Variants in USP32 observed in about 807,000 individuals in gnomAD.
USP32 encodes the protein ubiquitin specific peptidase 32.
A neutral mutation model predicts 204.8 loss-of-function variants in USP32; 59 were observed. That is an observed-to-expected ratio of 0.29 (90% CI 0.23 to 0.36). The LOEUF (loss-of-function observed/expected upper bound fraction) is 0.36, where lower values mean the gene tolerates loss of function less well. Ranked by LOEUF, USP32 falls within the 10% of genes least tolerant of loss-of-function variation. The pLI is 1.00. For synonymous variants in USP32, 517 were observed against 678.4 expected, an observed-to-expected ratio of 0.76 and a Z score of 3.70; for missense variants, 1,160 against 1,946.4, an observed-to-expected ratio of 0.60 and a Z score of 7.60.
At chr17:60,283,731 G>T (rs2087033188) in intron 5 of USP32, among the ~76,000 whole-genome samples, 1 of 151,264 alleles carries the variant, frequency 6.6e-6, no homozygotes, top group Non-Finnish European at 1.5e-5. Flanking sequence ...ATTCACTTTA[G>T]ATATAAGATT....
intron 27 of USP32, 26 bp from the exon 28 acceptor site, chr17:60,192,956 T>C: frequency 1.9e-6 from 3 of 1,611,480 alleles, no homozygotes; most frequent in Middle Eastern, 1.7e-4. Context: ...ACAAAAAGAG[T>C]GTAAGAAGCA....
intron 1 of USP32, among the ~76,000 whole-genome samples, chr17:60,367,969 C>A (rs1031923480): frequency 6.6e-6 from 1 of 151,832 alleles, no homozygotes; most frequent in African/African-American, 2.4e-5. Context: ...TATAAGTAAT[C>A]TAGAGATAAC....
At chr17:60,409,569 C>T (rs1337736537) in intron 1 of USP32, among the ~76,000 whole-genome samples, 1 of 149,302 alleles carries the variant, frequency 6.7e-6, no homozygotes, top group African/African-American at 2.6e-5. Flanking sequence ...GCTCTGAAAC[C>T]ACCCTTGCAA....
At position 60,178,072 on chromosome 17, in the gene USP32, A is replaced by C. The variant is rs1422733878; in HGVS notation, c.*1183T>G. On this transcript the variant is annotated 3_prime_UTR_variant, in exon 34 of 34. Transcript: ENST00000300896. ...AACATAACTTTCGATGACTACTGTA[A>C]AATTTAAAAAAAAGACAAATATCAA... Among the ~76,000 whole-genome samples the C allele has an allele frequency of 6.6e-6, 1 of 152,148 alleles. No individual in the cohort carries two copies. Among genetic ancestry groups the C allele is most frequent in the Non-Finnish European group, 1.5e-5 (1 of 68,048 alleles).
intron 1 of USP32, among the ~76,000 whole-genome samples, chr17:60,372,810 C>T (rs2089465653): frequency 6.7e-6 from 1 of 149,072 alleles, no homozygotes; most frequent in Non-Finnish European, 1.5e-5. Context: ...TATGATCATG[C>T]CACTCCAGCC....
chr17:60,287,104 C>G (rs978370721), intron 5 of USP32, among the ~76,000 whole-genome samples: 2 of 152,068 alleles, frequency 1.3e-5, no homozygotes, highest in Admixed American at 6.6e-5. Flanking sequence ...GAGCCGAGAT[C>G]GCGCCACTGC....
chr17:60,373,782 T>G (rs1158546699), intron 1 of USP32, among the ~76,000 whole-genome samples: 1 of 152,204 alleles, frequency 6.6e-6, no homozygotes, highest in East Asian at 1.9e-4. Context: ...TCATAAACTT[T>G]TAAATTTAAC....
chr17:60,361,352 T>C (rs1180084385), intron 1 of USP32, among the ~76,000 whole-genome samples: 1 of 152,204 alleles, frequency 6.6e-6, no homozygotes, highest in Non-Finnish European at 1.5e-5. Flanking sequence ...ATAATACATA[T>C]TATAATGCAA....
intron 1 of USP32, among the ~76,000 whole-genome samples, chr17:60,412,777 C>A (rs998398129): frequency 6.6e-6 from 1 of 152,098 alleles, no homozygotes; most frequent in African/African-American, 2.4e-5. Flanking sequence ...TCTCCAAAAT[C>A]ATTCCCAGCT....
At chr17:60,314,128 CTTTTTTTT>C (rs35830572) in intron 2 of USP32, among the ~76,000 whole-genome samples, 19 of 52,812 alleles carry the variant, frequency 3.6e-4, no homozygotes, top group African/African-American at 1.3e-3. Context: ...TATTGTGTGG[CTTTTTTTT>C]TTTTTTTTTT....
At chr17:60,214,939 AG>A (rs1334232605) in intron 16 of USP32, among the ~76,000 whole-genome samples, 165 bp from the exon 17 acceptor site, 2 of 152,090 alleles carry the variant, frequency 1.3e-5, no homozygotes, top group African/African-American at 4.8e-5. Flanking sequence ...AAATGCAGGC[AG>A]GAGACCCAAG....
chr17:60,208,459 T>A (rs1289077277), intron 23 of USP32, among the ~76,000 whole-genome samples, 195 bp downstream of exon 23: 5 of 152,184 alleles, frequency 3.3e-5, no homozygotes, highest in Non-Finnish European at 2.9e-5. Flanking sequence ...GTTGCTGGCA[T>A]ATTTGAAACC....
intron 16 of USP32, 107 bp downstream of exon 16, chr17:60,219,561 CTT>C (rs751193414): frequency 0.067 from 44,888 of 673,604 alleles, 7 homozygotes; most frequent in Non-Finnish European, 0.075. Flanking sequence ...TAGTTTTCAC[CTT>C]TTTTTTTTTT....
chr17:60,405,911 T>C (rs1444239353), intron 1 of USP32, among the ~76,000 whole-genome samples: 1 of 152,170 alleles, frequency 6.6e-6, no homozygotes, highest in Admixed American at 6.5e-5. Context: ...TCCAGCACTT[T>C]GGGAGGCCAG....
chr17:60,255,271 C>T lies in USP32; in HGVS notation c.991-13G>A, dbSNP rs1438168851. ...TAAGATGACCCATCTGAAACAGAGA[C>T]ACTCATGTTAGGAACATCTTTTTTT... On this transcript the variant is annotated splice_polypyrimidine_tract_variant and intron_variant, in intron 9 of 33. Transcript: ENST00000300896. The T allele has an allele frequency of 2.7e-6, 4 of 1,482,918 alleles. No homozygotes were observed. The Admixed American group carries it at 5.7e-5, about 21-fold the overall frequency. 91.9% of individuals were successfully genotyped at this position (1,482,918 alleles called of 1,614,324 possible).
At chr17:60,267,890 A>C (rs555783731) in intron 7 of USP32, among the ~76,000 whole-genome samples, 1 of 152,018 alleles carries the variant, frequency 6.6e-6, no homozygotes, top group African/African-American at 2.4e-5. Flanking sequence ...GGCTCACTGC[A>C]ACCTCCACCT....
intron 5 of USP32, among the ~76,000 whole-genome samples, chr17:60,277,338 T>C (rs1328937109): frequency 1.3e-5 from 2 of 152,190 alleles, no homozygotes; most frequent in Non-Finnish European, 2.9e-5. Context: ...CATATCCAAA[T>C]ATTTTCATAC....
chr17:60,337,921 AT>A (rs1311999225), intron 2 of USP32, among the ~76,000 whole-genome samples: 1 of 152,048 alleles, frequency 6.6e-6, no homozygotes, highest in Non-Finnish European at 1.5e-5. Context: ...TACATGAACA[AT>A]TAGTGAATGG....
chr17:60,296,171 A>G (rs1490584430), intron 3 of USP32, among the ~76,000 whole-genome samples: 3 of 152,220 alleles, frequency 2.0e-5, no homozygotes, highest in African/African-American at 7.2e-5. Context: ...TAGTTAAGCT[A>G]GGTGGAGGTA....
Sources: gnomAD v4.1 joint callset for allele counts (sites outside exome capture counted in the v4.1 genomes callset) on GRCh38, gnomAD v4.1.1 for gene constraint, MANE v1.5 for transcripts, NCBI Gene and HGNC (gene_info 2026-07-23, HGNC 2026-07-21) for gene names.